Variants in MYO1E observed in about 807,000 individuals in gnomAD.
MYO1E encodes unconventional myosin-Ie.
Under a neutral mutation model 151.1 loss-of-function variants are expected in MYO1E, and 68 were observed. The observed-to-expected ratio is 0.45, with a 90% confidence interval of 0.37 to 0.55. MYO1E has a LOEUF of 0.55. MYO1E is among the 20% of genes least tolerant of loss of function. The pLI is 0.00. For synonymous variants in MYO1E, 601 were observed against 501.7 expected, an observed-to-expected ratio of 1.20 and a Z score of -2.64; for missense variants, 1,363 against 1,389.3, an observed-to-expected ratio of 0.98 and a Z score of 0.30.
intron 2 of MYO1E, among the ~76,000 whole-genome samples, chr15:59,267,823 C>T (rs1205500214): frequency 6.6e-6 from 1 of 152,156 alleles, no homozygotes; most frequent in East Asian, 1.9e-4. Flanking sequence ...AAAAGTGTGG[C>T]AACATTGATG....
chr15:59,363,006 C>T lies in MYO1E; in HGVS notation c.3+9492G>A, dbSNP rs1460276457. Among the ~76,000 whole-genome samples the T allele has an allele frequency of 9.1e-4, 124 of 136,450 alleles. 1 individual carries two copies. Among genetic ancestry groups the T allele is most frequent in the African/African-American group, 3.3e-3 (119 of 36,464 alleles). The allele number at this position is 136,450 out of a possible 152,430, so 89.5% of individuals were successfully genotyped here. On this transcript the variant is annotated intron_variant, in intron 1 of 27. Transcript: ENST00000288235. ...TTTTTTTTTTTTTGAGACGGAGTCTCGCTGTGTCACCCAGGCTGGAATGCA... is the reference window on the plus strand; with the variant it reads ...TTTTTTTTTTTTTGAGACGGAGTCTTGCTGTGTCACCCAGGCTGGAATGCA...
chr15:59,196,986 CTTTT>C (rs71977305), intron 16 of MYO1E, among the ~76,000 whole-genome samples: 4 of 71,494 alleles, frequency 5.6e-5, no homozygotes, highest in Non-Finnish European at 7.4e-5. Context: ...TTAATTACGA[CTTTT>C]TTTTTTTTTT....
chr15:59,153,573 G>A lies in MYO1E; in HGVS notation c.3080+17C>T, dbSNP rs761220625. On this transcript the variant is annotated intron_variant, in intron 26 of 27. Transcript: ENST00000288235. ...ATGGAGCTTGCCGGCTTCATCCAGA[G>A]GATGTGAGAATCTTACCCTGCAGCT... The A allele has an allele frequency of 3.7e-6, 6 of 1,613,010 alleles. No individual in the cohort carries two copies. The highest frequency in any genetic ancestry group is 5.1e-6 in the Non-Finnish European group (6 of 1,179,260).
At chr15:59,153,827 A>G (rs759069235) in intron 25 of MYO1E, 36 bp from the exon 26 acceptor site, 35 of 1,585,586 alleles carry the variant, frequency 2.2e-5, no homozygotes, top group Non-Finnish European at 3.0e-5. Context: ...TAAGGCTCAG[A>G]TTTTTGGATC....
chr15:59,151,367 T>C (rs943748022), intron 26 of MYO1E, among the ~76,000 whole-genome samples: 9 of 151,876 alleles, frequency 5.9e-5, no homozygotes, highest in East Asian at 1.9e-4. Context: ...GACATGGAGG[T>C]TGCAGTGAGC....
chr15:59,363,975 G>T (rs1304450089), intron 1 of MYO1E, among the ~76,000 whole-genome samples: 1 of 151,920 alleles, frequency 6.6e-6, no homozygotes, highest in Non-Finnish European at 1.5e-5. Context: ...CGGGGGTTTT[G>T]ACATGTTGGC....
chr15:59,297,141 C>T (rs1179403642), intron 1 of MYO1E, among the ~76,000 whole-genome samples: 2 of 151,310 alleles, frequency 1.3e-5, no homozygotes, highest in Admixed American at 6.6e-5. Context: ...CGCGAGCCAC[C>T]GCACCCGGCC....
chr15:59,153,483 A>C (rs1420076711), intron 26 of MYO1E, 107 bp downstream of exon 26: 2 of 1,288,364 alleles, frequency 1.6e-6, no homozygotes. Context: ...TGGAAAACTA[A>C]ACCTTAGAAT....
At chr15:59,339,712 T>C (rs1309401700) in intron 1 of MYO1E, among the ~76,000 whole-genome samples, 1 of 152,206 alleles carries the variant, frequency 6.6e-6, no homozygotes, top group Non-Finnish European at 1.5e-5. Flanking sequence ...ATTCAGTCCA[T>C]GTATGGTGGC....
chr15:59,356,282 C>T (rs2080852110), intron 1 of MYO1E, among the ~76,000 whole-genome samples: 1 of 151,682 alleles, frequency 6.6e-6, no homozygotes, highest in Admixed American at 6.6e-5. Context: ...CTGTCCTCAC[C>T]ATTCCATCTT....
Position 59,210,566 on chromosome 15 carries a change from G to C in MYO1E, c.1310C>G (p.Pro437Arg), listed in dbSNP as rs376837728. The part of the protein sequence containing the change: ...EYVQEGIRWT[P>R]IEYFNNKIVC... ...GATTTTATTATTAAAGTACTCAATG[G>C]GTGTCCATCTTATTCCCTCTTGAAC... Residue 437 changes from proline to arginine, a missense_variant, in exon 13 of 28, where the codon CCC (proline) becomes CGC (arginine). Coordinates refer to ENST00000288235, the MANE Select transcript of MYO1E (RefSeq NM_004998.4). The C allele has an allele frequency of 1.9e-6, 3 of 1,605,216 alleles. No homozygotes were observed. The highest frequency in any genetic ancestry group is 2.6e-6 in the Non-Finnish European group (3 of 1,172,022).
chr15:59,197,532 G>A (rs2079775307), intron 16 of MYO1E, among the ~76,000 whole-genome samples: 1 of 152,186 alleles, frequency 6.6e-6, no homozygotes, highest in Admixed American at 6.5e-5. Flanking sequence ...CTGAAGAGGT[G>A]GCTACTATTT....
intron 2 of MYO1E, chr15:59,270,810 C>T (rs991864548): frequency 1.2e-4 from 18 of 151,974 alleles, no homozygotes; most frequent in Non-Finnish European, 2.1e-4. Context: ...GCATATGCCA[C>T]CATACCCCGC....
intron 4 of MYO1E, among the ~76,000 whole-genome samples, chr15:59,250,891 C>G (rs2080160558): frequency 6.6e-6 from 1 of 152,190 alleles, no homozygotes; most frequent in Non-Finnish European, 1.5e-5. Context: ...GGGCATCATC[C>G]CGCTTCAGTG....
rs2079493455 is a variant in MYO1E, at chr15:59,153,578, T to C, written c.3080+12A>G. The C allele has an allele frequency of 2.5e-6, 4 of 1,611,694 alleles. No individual in the cohort carries two copies. The highest frequency in any genetic ancestry group is 3.4e-6 in the Non-Finnish European group (4 of 1,178,132). On this transcript the variant is annotated intron_variant, in intron 26 of 27. Transcript: ENST00000288235. ...GCTTGCCGGCTTCATCCAGAGGATG[T>C]GAGAATCTTACCCTGCAGCTCCCTG...
At chr15:59,238,552 C>T (rs539519819) in intron 4 of MYO1E, among the ~76,000 whole-genome samples, 4 of 152,122 alleles carry the variant, frequency 2.6e-5, no homozygotes, top group Non-Finnish European at 4.4e-5. Context: ...AGAAATATTC[C>T]TTACTTGTTA....
At chr15:59,310,917 C>G (rs1337550872) in intron 1 of MYO1E, among the ~76,000 whole-genome samples, 1 of 152,134 alleles carries the variant, frequency 6.6e-6, no homozygotes, top group African/African-American at 2.4e-5. Flanking sequence ...AGGACAAATT[C>G]CAAGCAAGCC....
intron 1 of MYO1E, among the ~76,000 whole-genome samples, chr15:59,302,795 A>G (rs2080490856): frequency 1.3e-5 from 2 of 152,226 alleles, no homozygotes; most frequent in Admixed American, 6.5e-5. Flanking sequence ...AATTATACAA[A>G]TATGTTAAAA....
At chr15:59,216,089 C>T (rs1241548192) in intron 10 of MYO1E, among the ~76,000 whole-genome samples, 2 of 152,204 alleles carry the variant, frequency 1.3e-5, no homozygotes, top group Non-Finnish European at 2.9e-5. Flanking sequence ...TCTAACCACA[C>T]TAACCATACC....
Sources: gnomAD v4.1 joint callset for allele counts (sites outside exome capture counted in the v4.1 genomes callset) on GRCh38, gnomAD v4.1.1 for gene constraint, MANE v1.5 for transcripts, NCBI Gene and HGNC (gene_info 2026-07-23, HGNC 2026-07-21) for gene names.